Variants in NXPE3 observed in about 807,000 individuals in gnomAD.
The protein encoded by NXPE3 is NXPE family member 3.
A neutral mutation model predicts 46.1 loss-of-function variants in NXPE3; 26 were observed. That is an observed-to-expected ratio of 0.56 (90% CI 0.41 to 0.78). The LOEUF (loss-of-function observed/expected upper bound fraction) is 0.78. Among genes scored for constraint, NXPE3 ranks in the 30% least tolerant of loss-of-function variants. NXPE3 has a pLI of 0.00. For missense variants in NXPE3, 620 were observed against 686.0 expected (o/e 0.90, Z 1.07); for synonymous variants, 272 against 257.9 (o/e 1.05, Z -0.52).
chr3:101,783,624 G>C (rs1939965942), intron 3 of NXPE3, among the ~76,000 whole-genome samples: 1 of 152,186 alleles, frequency 6.6e-6, no homozygotes, highest in Non-Finnish European at 1.5e-5. Flanking sequence ...GCTGTGTGCT[G>C]CTGCTGCCTG....
chr3:101,806,283 T>C (rs1941413541), intron 5 of NXPE3, among the ~76,000 whole-genome samples: 1 of 152,234 alleles, frequency 6.6e-6, no homozygotes, highest in Non-Finnish European at 1.5e-5. Context: ...GTTTTTGGTC[T>C]AAGTACAAGA....
chr3:101,796,802 G>A (rs914573523), intron 4 of NXPE3, among the ~76,000 whole-genome samples: 1 of 152,174 alleles, frequency 6.6e-6, no homozygotes, highest in African/African-American at 2.4e-5. Flanking sequence ...AATCTAAGAA[G>A]AGCATTAAAC....
intron 7 of NXPE3, among the ~76,000 whole-genome samples, chr3:101,819,047 G>C (rs1942128489): frequency 6.6e-6 from 1 of 151,952 alleles, no homozygotes; most frequent in Admixed American, 6.6e-5. Context: ...TTATGGGCAT[G>C]AGCCACCTTG....
At chr3:101,781,059 G>C (rs1939793935) in intron 1 of NXPE3, among the ~76,000 whole-genome samples, 6 of 152,204 alleles carry the variant, frequency 3.9e-5, no homozygotes, top group Admixed American at 3.9e-4. Flanking sequence ...ATGAAATACA[G>C]CTACTCTTTG....
chr3:101,816,747 T>G, intron 6 of NXPE3, 48 bp from the exon 7 acceptor site: 2 of 1,394,398 alleles, frequency 1.4e-6, no homozygotes, highest in African/African-American at 1.4e-5. Context: ...TTTTCATCTA[T>G]TGTTGGAGGA....
rs1000619109 is a variant in NXPE3 at position 101,787,939 on chromosome 3, G to A, written c.93+2250G>A. On this transcript the variant is annotated intron_variant, in intron 4 of 7. Transcript: ENST00000273347. ...GCAAATGGAATTGCTGGATTATATGGTAATTTTAATTTTTTGAGGAACCAC... is the reference window on the plus strand; with the variant it reads ...GCAAATGGAATTGCTGGATTATATGATAATTTTAATTTTTTGAGGAACCAC... Among the ~76,000 whole-genome samples the A allele has an allele frequency of 4.6e-5, 7 of 152,192 alleles. No individual in the cohort carries two copies. In the East Asian group the frequency reaches 1.3e-3, roughly 29 times the overall value.
chr3:101,787,289 A>G (rs1447315439), intron 4 of NXPE3, among the ~76,000 whole-genome samples: 1 of 152,108 alleles, frequency 6.6e-6, no homozygotes, highest in Non-Finnish European at 1.5e-5. Flanking sequence ...AATCAATCAT[A>G]TGATATTTGT....
At chr3:101,793,345 C>T (rs1204056372) in intron 4 of NXPE3, among the ~76,000 whole-genome samples, 4 of 152,012 alleles carry the variant, frequency 2.6e-5, no homozygotes, top group African/African-American at 7.2e-5. Flanking sequence ...CTGGTTTTCA[C>T]GGGGAATGCT....
chr3:101,816,893 T>G lies in NXPE3; in HGVS notation c.1021T>G (p.Phe341Val). ...GCCCAGAAAGTTTAAGATGCGTCAG[T>G]TTAATGACCCTGACAACATTACAGA... ...WRPRKFKMRQFNDPDNITECL... is the reference protein window; with the variant it reads ...WRPRKFKMRQVNDPDNITECL... The change falls in exon 7 of 8, where the codon TTT (phenylalanine) becomes GTT (valine). Residue 341 changes from phenylalanine (F) to valine (V), a missense_variant. Phe to Val is a conservative substitution (Grantham distance 50). Coordinates refer to ENST00000273347, the MANE Select transcript of NXPE3 (RefSeq NM_145037.4). The G allele has an allele frequency of 6.2e-7, 1 of 1,613,900 alleles. No individual in the cohort carries two copies. The highest frequency in any genetic ancestry group is 8.5e-7 in the Non-Finnish European group (1 of 1,179,788).
chr3:101,783,296 T>C (rs1419090744), intron 3 of NXPE3, among the ~76,000 whole-genome samples: 1 of 151,234 alleles, frequency 6.6e-6, no homozygotes, highest in African/African-American at 2.4e-5. Flanking sequence ...CTCCTGACCT[T>C]GTGATCCGCC....
Position 101,801,515 on chromosome 3 carries a change from T to C in NXPE3, c.374T>C (p.Val125Ala). The C allele has an allele frequency of 6.2e-7, 1 of 1,614,132 alleles. No homozygotes were observed. Among genetic ancestry groups the C allele is most frequent in the Non-Finnish European group, 8.5e-7 (1 of 1,180,038 alleles). ...TTTAAGGTGGGAAGCCAGCTTGAGG[T>C]GCTGGTTCATGTGCAGGATTTTCAA... is the stretch of plus-strand genomic sequence containing the variant. ...AFFKVGSQLE[V>A]LVHVQDFQRK... The change falls in exon 5 of 8, where the codon GTG becomes GCG. Residue 125 changes from valine (V) to alanine (A), a missense_variant. Around this residue, in one of 3 missense-constraint regions of NXPE3, gnomAD observed 511 missense variants for 528.6 expected, o/e 0.97. Coordinates refer to ENST00000273347, the MANE Select transcript of NXPE3 (RefSeq NM_145037.4).
chr3:101,817,531 G>A (rs1942025679), intron 7 of NXPE3, among the ~76,000 whole-genome samples: 1 of 152,320 alleles, frequency 6.6e-6, no homozygotes, highest in South Asian at 2.1e-4. Context: ...CTGAGATGGA[G>A]TTGGCTCCTC....
chr3:101,811,701 A>T (rs1286509390), intron 6 of NXPE3, among the ~76,000 whole-genome samples: 1 of 142,556 alleles, frequency 7.0e-6, no homozygotes, highest in Non-Finnish European at 1.5e-5. Context: ...TGATGTCTTG[A>T]TGCTTTGGTT....
intron 1 of NXPE3, among the ~76,000 whole-genome samples, chr3:101,780,244 T>G (rs565255952): frequency 6.6e-6 from 1 of 152,326 alleles, no homozygotes; most frequent in South Asian, 2.1e-4. Flanking sequence ...ATACTATTTC[T>G]CCGTAGTGTT....
intron 6 of NXPE3, among the ~76,000 whole-genome samples, chr3:101,808,817 G>GGA (rs1354498009): frequency 0.017 from 115 of 6,672 alleles, 1 homozygote; most frequent in South Asian, 0.085. Context: ...TAATTTTAGA[G>GGA]GATATATATA....
At chr3:101,796,925 T>C (rs1042229334) in intron 4 of NXPE3, among the ~76,000 whole-genome samples, 5 of 152,192 alleles carry the variant, frequency 3.3e-5, no homozygotes, top group Admixed American at 6.5e-5. Context: ...GGAAATGCTA[T>C]AGCTATTGAG....
At position 101,801,245 on chromosome 3, in the gene NXPE3, A is replaced by G; in HGVS notation, c.104A>G (p.His35Arg). Residue 35 changes from histidine to arginine, a missense_variant, in exon 5 of 8, where the codon CAT becomes CGT. By Grantham distance (29) the His-to-Arg change is conservative (BLOSUM62 0). Transcript: ENST00000273347. Reference sequence around the variant, plus strand: ...TGTCTTCTTCTTCAGTACTTGGACCATGAGACTGTTTCAGCCACTTTCATC... The same window carrying G: ...TGTCTTCTTCTTCAGTACTTGGACCGTGAGACTGTTTCAGCCACTTTCATC... ...INVTQVEYLD[H>R]ETVSATFIDS... 1 of 1,610,692 alleles carries G rather than the reference A, an allele frequency of 6.2e-7. No individual in the cohort carries two copies. The highest frequency in any genetic ancestry group is 8.5e-7 in the Non-Finnish European group (1 of 1,178,110).
intron 4 of NXPE3, among the ~76,000 whole-genome samples, chr3:101,795,703 G>A (rs1378897708): frequency 2.0e-5 from 3 of 151,988 alleles, no homozygotes; most frequent in Non-Finnish European, 4.4e-5. Flanking sequence ...CTGTGTATTA[G>A]GGCTTTGGGC....
rs1223566216 is a variant in NXPE3 at position 101,816,861 on chromosome 3, A to G, written c.989A>G (p.Gln330Arg). The G allele has an allele frequency of 6.2e-7, 1 of 1,614,172 alleles. No individual in the cohort carries two copies. The highest frequency in any genetic ancestry group is 1.1e-5 in the South Asian group (1 of 91,076). The change falls in exon 7 of 8, where the codon CAG (glutamine) becomes CGG (arginine). Residue 330 changes from glutamine to arginine, a missense_variant. Coordinates refer to ENST00000273347, the MANE Select transcript of NXPE3 (RefSeq NM_145037.4). ...CCTTCTGGGTATTATTATAAAGACC[A>G]GTGGAGGCCCAGAAAGTTTAAGATG... Reference protein sequence around the residue: ...TFPSGYYYKDQWRPRKFKMRQ... With the variant: ...TFPSGYYYKDRWRPRKFKMRQ...
Sources: gnomAD v4.1 joint callset for allele counts (sites outside exome capture counted in the v4.1 genomes callset) on GRCh38, gnomAD v4.1.1 for gene constraint, gnomAD v4.1.1 regional missense constraint, MANE v1.5 for transcripts, NCBI Gene and HGNC (gene_info 2026-07-23, HGNC 2026-07-21) for gene names.